The following NPAS3 variants were observed in gnomAD, a reference collection of about 807,000 sequenced individuals.
NPAS3 encodes neuronal PAS domain-containing protein 3.
In NPAS3, 14 loss-of-function variants were observed where a neutral mutation model predicts 73.1. That is an observed-to-expected ratio of 0.19 (90% CI 0.13 to 0.30). NPAS3 has a LOEUF of 0.30. Ranked by LOEUF, NPAS3 falls within the 10% of genes least tolerant of loss-of-function variation. The pLI is 1.00. For missense variants in NPAS3, 1,096 were observed against 1,250.0 expected, an observed-to-expected ratio of 0.88 and a Z score of 1.86; for synonymous variants, 620 against 541.5, an observed-to-expected ratio of 1.14 and a Z score of -2.01.
intron 2 of NPAS3, among the ~76,000 whole-genome samples, chr14:33,143,873 CCATATTGTAG>C (rs1246112153): frequency 1.3e-5 from 2 of 152,118 alleles, no homozygotes; most frequent in African/African-American, 4.8e-5. Context: ...TGAGGTTCAT[CCATATTGTAG>C]CATGAATCAG....
At chr14:33,139,021 C>T (rs755729650) in intron 2 of NPAS3, among the ~76,000 whole-genome samples, 1 of 152,178 alleles carries the variant, frequency 6.6e-6, no homozygotes, top group Non-Finnish European at 1.5e-5. Context: ...AAAGTTTCTT[C>T]ATGATAGAGA....
chr14:33,650,571 C>T (rs1050491530), intron 5 of NPAS3, among the ~76,000 whole-genome samples: 3 of 152,184 alleles, frequency 2.0e-5, no homozygotes, highest in African/African-American at 7.2e-5. Context: ...CACTGTTCCA[C>T]GTGCACATTA....
chr14:33,553,538 CTAAT>C (rs1270030164), intron 4 of NPAS3, among the ~76,000 whole-genome samples: 3 of 152,174 alleles, frequency 2.0e-5, no homozygotes, highest in Non-Finnish European at 4.4e-5. Context: ...TCAAATTTAA[CTAAT>C]CCAATTTGGT....
chr14:33,049,747 T>C (rs1364432284), intron 1 of NPAS3, among the ~76,000 whole-genome samples: 1 of 152,216 alleles, frequency 6.6e-6, no homozygotes, highest in Non-Finnish European at 1.5e-5. Flanking sequence ...CATTCACATC[T>C]GGTTCCAAAG....
chr14:33,525,629 T>A (rs139269811), intron 4 of NPAS3, among the ~76,000 whole-genome samples: 210 of 152,296 alleles, frequency 1.4e-3, no homozygotes, highest in African/African-American at 4.6e-3. Flanking sequence ...ATTTACTCTA[T>A]CATATTTGTG....
At chr14:33,693,588 G>A (rs1006938934) in intron 6 of NPAS3, among the ~76,000 whole-genome samples, 2 of 152,128 alleles carry the variant, frequency 1.3e-5, no homozygotes, top group Non-Finnish European at 2.9e-5. Context: ...CAATCCAGAA[G>A]TCCCATACAA....
intron 1 of NPAS3, among the ~76,000 whole-genome samples, chr14:32,965,554 T>C (rs977423833): frequency 2.6e-5 from 4 of 152,192 alleles, no homozygotes; most frequent in Non-Finnish European, 5.9e-5. Flanking sequence ...AAAAAGAATG[T>C]ATCTCAACAC....
Position 33,332,921 on chromosome 14 carries a change from A to G in NPAS3, c.386-34265A>G, listed in dbSNP as rs1029862065. Reference sequence around the variant, plus strand: ...TGGCATTTCATTGCTTTCCCTAACAATTAGATACTTTGTCTGTAAAGACAA... The same window carrying G: ...TGGCATTTCATTGCTTTCCCTAACAGTTAGATACTTTGTCTGTAAAGACAA... On this transcript the variant is annotated intron_variant, in intron 3 of 11. Transcript: ENST00000356141. Among the ~76,000 whole-genome samples the G allele has an allele frequency of 3.9e-5, 6 of 152,210 alleles. No individual in the cohort carries two copies. The East Asian group carries it at 5.8e-4, about 15-fold the overall frequency.
chr14:32,977,321 C>T (rs1463679610), intron 1 of NPAS3, among the ~76,000 whole-genome samples: 6 of 135,008 alleles, frequency 4.4e-5, no homozygotes, highest in African/African-American at 1.4e-4. Context: ...GACATAAGGC[C>T]GTTATTACCT....
At chr14:33,666,881 T>C (rs1365351731) in intron 5 of NPAS3, among the ~76,000 whole-genome samples, 2 of 152,224 alleles carry the variant, frequency 1.3e-5, no homozygotes, top group African/African-American at 4.8e-5. Flanking sequence ...TCTTTTACTA[T>C]CTTATACCTC....
intron 4 of NPAS3, among the ~76,000 whole-genome samples, chr14:33,426,044 T>C (rs1161604057): frequency 1.3e-5 from 2 of 152,080 alleles, no homozygotes; most frequent in Admixed American, 6.6e-5. Context: ...TTATATTCAC[T>C]GAGCTTACTG....
Position 33,486,578 on chromosome 14 carries a change from T to A in NPAS3, c.469-73543T>A, listed in dbSNP as rs2051611451. ...ACCCCTGTTATACATGAAGGGAAGA[T>A]AATTGTCTCCCAAGTTTTCAGTTGA... On this transcript the variant is annotated intron_variant, in intron 4 of 11. Coordinates refer to ENST00000356141, the Ensembl canonical transcript of NPAS3. Among the ~76,000 whole-genome samples the A allele has an allele frequency of 2.0e-5, 3 of 152,192 alleles. No individual in the cohort carries two copies. The South Asian group carries it at 6.2e-4, about 32-fold the overall frequency.
At chr14:33,019,207 A>G (rs979272831) in intron 1 of NPAS3, among the ~76,000 whole-genome samples, 2 of 152,254 alleles carry the variant, frequency 1.3e-5, no homozygotes, top group Non-Finnish European at 1.5e-5. Flanking sequence ...GTTTAGCACA[A>G]TGAAAGTTCT....
At chr14:33,722,299 C>T (rs1175713046) in intron 6 of NPAS3, among the ~76,000 whole-genome samples, 5 of 152,256 alleles carry the variant, frequency 3.3e-5, no homozygotes, top group East Asian at 3.9e-4. Flanking sequence ...GAAAACGCTG[C>T]TTCAACCCCA....
chr14:33,801,132 G>T (rs1253648485), downstream of NPAS3: 5 of 1,553,214 alleles, frequency 3.2e-6, no homozygotes, highest in South Asian at 6.0e-5. Context: ...CCTGGGCCCG[G>T]CCAGGCCCCG....
intron 1 of NPAS3, among the ~76,000 whole-genome samples, chr14:33,018,938 A>C (rs555227593): frequency 1.9e-5 from 2 of 104,726 alleles, no homozygotes; most frequent in South Asian, 5.5e-4. Context: ...CAAATTTATA[A>C]AAAAAAAAAC....
intron 4 of NPAS3, among the ~76,000 whole-genome samples, chr14:33,447,237 T>C (rs938653945): frequency 6.6e-6 from 1 of 152,074 alleles, no homozygotes; most frequent in Non-Finnish European, 1.5e-5. Context: ...TTTTTATGGG[T>C]GGGTAAGATG....
chr14:33,460,870 A>T (rs1032780706), intron 4 of NPAS3, among the ~76,000 whole-genome samples: 3 of 152,218 alleles, frequency 2.0e-5, no homozygotes, highest in African/African-American at 4.8e-5. Flanking sequence ...ACTCAAAATC[A>T]GTCTGGTGTT....
At position 33,799,716 on chromosome 14, in the gene NPAS3, GC is replaced by G. The variant is rs1555336227; in HGVS notation, c.1427-12del. 1 of 1,550,016 alleles carries G rather than the reference GC, an allele frequency of 6.5e-7. No homozygotes were observed. The highest frequency in any genetic ancestry group is 8.7e-7 in the Non-Finnish European group (1 of 1,147,580). On this transcript the variant is annotated splice_polypyrimidine_tract_variant and intron_variant, in intron 11 of 11. Coordinates refer to ENST00000356141, the Ensembl canonical transcript of NPAS3. ...TCTCTCTCCGCCCCCGCCACCGCCGGCCCCCCGCCCCACACAGAGGACAACG... is the reference window on the plus strand; with the variant it reads ...TCTCTCTCCGCCCCCGCCACCGCCGGCCCCCGCCCCACACAGAGGACAACG...
Sources: allele counts gnomAD v4.1 joint callset (sites outside exome capture counted in the v4.1 genomes callset), GRCh38; gene constraint gnomAD v4.1.1; transcripts MANE v1.5; gene names NCBI Gene and HGNC (gene_info 2026-07-23, HGNC 2026-07-21).